SNX29: variants seen among roughly 807,000 people sequenced by gnomAD.
SNX29 encodes sorting nexin-29.
SNX29 carries 78 observed loss-of-function variants against 102.1 expected under a neutral mutation model. That is an observed-to-expected ratio of 0.76 (90% CI 0.64 to 0.92). The LOEUF (loss-of-function observed/expected upper bound fraction) is 0.92, where lower values mean the gene tolerates loss of function less well. Ranked by LOEUF, SNX29 falls within the 40% of genes least tolerant of loss-of-function variation. The pLI, the probability that SNX29 is intolerant of heterozygous loss-of-function variation, is 0.00. For missense variants in SNX29, 1,280 were observed against 1,061.7 expected (o/e 1.21, Z -2.86); for synonymous variants, 580 against 414.5 (o/e 1.40, Z -4.85).
At chr16:12,133,377 G>C (rs1038039056) in intron 13 of SNX29, among the ~76,000 whole-genome samples, 2 of 130,730 alleles carry the variant, frequency 1.5e-5, no homozygotes, top group African/African-American at 5.8e-5. Flanking sequence ...TGCATCCTCC[G>C]CCTCCTGGGC....
rs113585691 is a variant in SNX29, at chr16:12,026,467, A to G, written c.123-853A>G. ...TTCAGAATTTCTTAACTTTTGTTGT[A>G]TGAATGAATGGAAAGGGCTCAGAAG... On this transcript the variant is annotated intron_variant, in intron 3 of 20. Coordinates refer to ENST00000566228, the MANE Select transcript of SNX29 (RefSeq NM_032167.5). 5.2e-3 allele frequency among the ~76,000 whole-genome samples: 789 copies of G among 152,298 alleles called. 15 individuals are homozygous for G. Among genetic ancestry groups the G allele is most frequent in the African/African-American group, 0.018 (753 of 41,568 alleles).
intron 14 of SNX29, among the ~76,000 whole-genome samples, chr16:12,239,238 C>T (rs144531778): frequency 1.2e-4 from 19 of 152,118 alleles, no homozygotes; most frequent in Admixed American, 9.2e-4. Flanking sequence ...ATGTTCATTG[C>T]GTTCATTGTT....
At chr16:12,220,961 G>C (rs2077460072) in intron 14 of SNX29, among the ~76,000 whole-genome samples, 1 of 152,166 alleles carries the variant, frequency 6.6e-6, no homozygotes, top group South Asian at 2.1e-4. Context: ...TTCTAAAAAT[G>C]AATAAATATG....
intron 18 of SNX29, among the ~76,000 whole-genome samples, chr16:12,465,904 TAGTTA>T (rs1207555560): frequency 5.3e-5 from 8 of 152,138 alleles, no homozygotes; most frequent in African/African-American, 1.2e-4. Context: ...TTCACTTCCT[TAGTTA>T]AGTTTATTCC....
At chr16:12,107,783 G>GACATCCT (rs976188160) in intron 11 of SNX29, among the ~76,000 whole-genome samples, 39 of 152,288 alleles carry the variant, frequency 2.6e-4, no homozygotes, top group African/African-American at 9.4e-4. Context: ...TTCATTCTCA[G>GACATCCT]ACATCCTCCC....
At chr16:12,056,456 A>G (rs1434456692) in intron 8 of SNX29, among the ~76,000 whole-genome samples, 1 of 152,130 alleles carries the variant, frequency 6.6e-6, no homozygotes, top group Non-Finnish European at 1.5e-5. Context: ...GAGTGATGGG[A>G]TGGCCTGCTG....
intron 20 of SNX29, among the ~76,000 whole-genome samples, chr16:12,564,839 G>A (rs377033736): frequency 8.9e-5 from 13 of 146,442 alleles, no homozygotes; most frequent in South Asian, 4.5e-4. Context: ...CGCTGAAGTC[G>A]GCAGCTAACA....
At chr16:12,067,863 TG>T (rs2051106857) in intron 9 of SNX29, among the ~76,000 whole-genome samples, 1 of 152,206 alleles carries the variant, frequency 6.6e-6, no homozygotes, top group African/African-American at 2.4e-5. Flanking sequence ...CCAAGGCTTA[TG>T]GATTTGCATG....
At chr16:12,508,175 G>T (rs896805467) in intron 19 of SNX29, among the ~76,000 whole-genome samples, 2 of 152,242 alleles carry the variant, frequency 1.3e-5, no homozygotes, top group African/African-American at 4.8e-5. Flanking sequence ...GGTGGGCTGT[G>T]GCGGGTGGCT....
chr16:12,418,595 A>G (rs1475943610), intron 18 of SNX29, among the ~76,000 whole-genome samples: 1 of 151,182 alleles, frequency 6.6e-6, no homozygotes, highest in Non-Finnish European at 1.5e-5. Flanking sequence ...GCTCACTGCA[A>G]CCTCCACCTC....
intron 13 of SNX29, among the ~76,000 whole-genome samples, chr16:12,177,573 T>A (rs1233822531): frequency 6.6e-6 from 1 of 152,262 alleles, no homozygotes; most frequent in African/African-American, 2.4e-5. Flanking sequence ...CTTGTCTCAA[T>A]GCCTGGTATA....
intron 9 of SNX29, 64 bp from the exon 10 acceptor site, chr16:12,068,991 CTT>C (rs1432448893): frequency 2.0e-6 from 3 of 1,487,146 alleles, no homozygotes; most frequent in Non-Finnish European, 2.8e-6. Flanking sequence ...TGCATTGTGT[CTT>C]TGTCTTATGG....
At chr16:12,320,461 C>T (rs1054082896) in intron 15 of SNX29, among the ~76,000 whole-genome samples, 2 of 152,214 alleles carry the variant, frequency 1.3e-5, no homozygotes, top group Admixed American at 1.3e-4. Context: ...CAGCCACCAT[C>T]ATCAGCCCCA....
intron 13 of SNX29, among the ~76,000 whole-genome samples, chr16:12,191,561 G>A (rs1019920827): frequency 6.6e-6 from 1 of 152,178 alleles, no homozygotes; most frequent in Non-Finnish European, 1.5e-5. Context: ...AGGGTGTGAG[G>A]GCAAAAGTGT....
intron 13 of SNX29, among the ~76,000 whole-genome samples, chr16:12,175,882 T>G (rs1303390696): frequency 6.6e-6 from 1 of 152,078 alleles, no homozygotes; most frequent in Non-Finnish European, 1.5e-5. Flanking sequence ...GGACTACCCT[T>G]GTAGTCCTAG....
chr16:12,538,045 A>G (rs529848901), intron 20 of SNX29, among the ~76,000 whole-genome samples: 8 of 152,168 alleles, frequency 5.3e-5, no homozygotes, highest in Admixed American at 4.6e-4. Context: ...GTCCTGCTAA[A>G]GTATAATCGA....
intron 18 of SNX29, among the ~76,000 whole-genome samples, chr16:12,408,273 AC>A (rs773006256): frequency 6.6e-5 from 10 of 152,168 alleles, no homozygotes; most frequent in South Asian, 4.2e-4. Context: ...AGCCACCTAC[AC>A]CCCTGAGATG....
chr16:12,231,730 T>C (rs948626081), intron 14 of SNX29, among the ~76,000 whole-genome samples: 1 of 152,180 alleles, frequency 6.6e-6, no homozygotes, highest in Admixed American at 6.5e-5. Flanking sequence ...CTCCCCAGGA[T>C]TGTGGCCATT....
rs776888338 is a variant in SNX29, at chr16:12,524,770, C to G, written c.2247C>G (p.Val749=). ...QNYLRSVMNK[V]IQMVPEFAAS... is the part of the protein sequence containing the mutation. ...ACCTGCGCAGCGTCATGAACAAAGTCATCCAGATGGTCCCCGAGTTCGCTG... is the reference window on the plus strand; with the variant it reads ...ACCTGCGCAGCGTCATGAACAAAGTGATCCAGATGGTCCCCGAGTTCGCTG... Residue 749 remains valine, a synonymous_variant, in exon 20 of 21, where the codon GTC becomes GTG. Coordinates refer to ENST00000566228, the MANE Select transcript of SNX29 (RefSeq NM_032167.5). 16 of 1,613,714 alleles carry G rather than the reference C, an allele frequency of 9.9e-6. No homozygotes were observed. In the African/African-American group the frequency reaches 2.0e-4, roughly 20 times the overall value.
Sources: gnomAD v4.1 joint callset for allele counts (sites outside exome capture counted in the v4.1 genomes callset) on GRCh38, gnomAD v4.1.1 for gene constraint, MANE v1.5 for transcripts, NCBI Gene and HGNC (gene_info 2026-07-23, HGNC 2026-07-21) for gene names.